The following TNFRSF10B variants were observed in gnomAD, a reference collection of about 807,000 sequenced individuals.
TNFRSF10B encodes tumor necrosis factor receptor superfamily member 10B.
Under a neutral mutation model 41.4 loss-of-function variants are expected in TNFRSF10B, and 35 were observed. The ratio of observed to expected loss-of-function variants is 0.85; its 90% confidence interval spans 0.65 to 1.12. TNFRSF10B has a LOEUF of 1.12. TNFRSF10B is among the 50% of genes most tolerant of loss of function. The pLI is 0.00. For missense variants in TNFRSF10B, 584 were observed against 552.7 expected (o/e 1.06, Z -0.57); for synonymous variants, 230 against 215.5 (o/e 1.07, Z -0.59).
rs1563301419 is a variant in TNFRSF10B, at chr8:23,020,560, CGGGT to C, written c.*2107_*2110del. 4.5e-6 allele frequency: 2 copies of C among 445,322 alleles called. No homozygotes were observed. Among genetic ancestry groups the C allele is most frequent in the Non-Finnish European group, 9.0e-6 (2 of 221,502 alleles). 27.6% of individuals were successfully genotyped at this position (445,322 alleles called of 1,614,324 possible). On this transcript the variant is annotated 3_prime_UTR_variant, in exon 9 of 9. Transcript: ENST00000276431. Reference sequence around the variant, plus strand: ...TACAAAAATTAGCCAGGCGTGGTGGCGGGTGCCTGCAATCCCAGCTACTCCGGAG... The same window carrying C: ...TACAAAAATTAGCCAGGCGTGGTGGCGCCTGCAATCCCAGCTACTCCGGAG...
intron 2 of TNFRSF10B, among the ~76,000 whole-genome samples, chr8:23,034,822 T>A (rs752083571): frequency 6.6e-5 from 10 of 152,282 alleles, no homozygotes; most frequent in Non-Finnish European, 5.9e-5. Flanking sequence ...TCCCATCACA[T>A]GCCCATTGAA....
chr8:23,028,495 T>G lies in TNFRSF10B; in HGVS notation c.584A>C (p.Glu195Ala), dbSNP rs765576431. The G allele has an allele frequency of 3.7e-6, 6 of 1,614,142 alleles. No individual in the cohort carries two copies. The highest frequency in any genetic ancestry group is 5.1e-6 in the Non-Finnish European group (6 of 1,179,996). The change falls in exon 5 of 9, where the codon GAG becomes GCG. Residue 195 changes from glutamate (E) to alanine (A), a missense_variant. Transcript: ENST00000276431. The part of the protein sequence containing the change: ...TKHSGEVPAV[E>A]ETVTSSPGTP... ...CCCTGGGCTGGAGGTCACCGTCTCC[T>G]CCACAGCTGGGACTTCCCCACTGTG...
chr8:23,032,773 A>G (rs1180494127), intron 2 of TNFRSF10B, among the ~76,000 whole-genome samples: 1 of 152,248 alleles, frequency 6.6e-6, no homozygotes, highest in Admixed American at 6.5e-5. Flanking sequence ...TTCATTGACA[A>G]TGACATAAAA....
Position 23,043,179 on chromosome 8 carries a change from T to A in TNFRSF10B, c.209A>T (p.Gln70Leu), listed in dbSNP as rs774835669. The change falls in exon 2 of 9, where the codon CAA becomes CTA. Residue 70 changes from glutamine (Q) to leucine (L), a missense_variant. Gln to Leu is a moderately radical substitution (Grantham distance 113). Transcript: ENST00000276431. ...DLAPQQRAAPQQKRSSPSEGL... is the reference protein window; with the variant it reads ...DLAPQQRAAPLQKRSSPSEGL... ...CTCTGAGGGGCTGGACCTCTTTTGT[T>A]GTGGGGCCGCTCTCTGCTGGGGAGC... 6.2e-7 allele frequency: 1 copy of A among 1,614,102 alleles called. No homozygotes were observed. The highest frequency in any genetic ancestry group is 8.5e-7 in the Non-Finnish European group (1 of 1,180,002).
In TNFRSF10B at chr8:23,068,866, G is replaced by T; in HGVS notation, c.29C>A (p.Ala10Asp). The change falls in exon 1 of 9, where the codon GCC becomes GAC. Residue 10 changes from alanine (A) to aspartate (D), a missense_variant. Transcript: ENST00000276431. ...GTGCCTTTTCCGGGCCCCCGAAGCG[G>T]CCGGGGCGTTCTGTCCCCGTTGTTC... MEQRGQNAPAASGARKRHGP... is the reference protein window; with the variant it reads MEQRGQNAPDASGARKRHGP... 1 of 1,613,490 alleles carries T rather than the reference G, an allele frequency of 6.2e-7. No individual in the cohort carries two copies. The highest frequency in any genetic ancestry group is 1.3e-5 in the African/African-American group (1 of 75,064).
At chr8:23,068,706 G>T in intron 1 of TNFRSF10B, 45 bp downstream of exon 1, 1 of 1,545,684 alleles carries the variant, frequency 6.5e-7, no homozygotes. Flanking sequence ...CTCTCCAGGC[G>T]CCAGGCACGC....
At chr8:23,027,063 C>G in intron 7 of TNFRSF10B, 70 bp downstream of exon 7, 7 of 1,609,940 alleles carry the variant, frequency 4.3e-6, no homozygotes, top group East Asian at 2.2e-5. Flanking sequence ...AGGCACTGCC[C>G]TCTCCCACTG....
At chr8:23,050,738 T>C (rs1812500815) in intron 1 of TNFRSF10B, among the ~76,000 whole-genome samples, 1 of 152,162 alleles carries the variant, frequency 6.6e-6, no homozygotes. Context: ...TTCTCCCTTT[T>C]TGAAAACCCA....
chr8:23,062,402 G>A lies in TNFRSF10B; in HGVS notation c.144+6349C>T, dbSNP rs114996597. 6.8e-3 allele frequency among the ~76,000 whole-genome samples: 1,029 copies of A among 152,078 alleles called. 16 individuals carry two copies. The highest frequency in any genetic ancestry group is 0.024 in the African/African-American group (994 of 41,490). ...GGCCAGGCTGCTTTTTATATTTTTTGTAGAGACAGGGTTTTGCCATATCCA... is the reference window on the plus strand; with the variant it reads ...GGCCAGGCTGCTTTTTATATTTTTTATAGAGACAGGGTTTTGCCATATCCA... On this transcript the variant is annotated intron_variant, in intron 1 of 8. Transcript: ENST00000276431.
chr8:23,034,194 T>G (rs1811965195), intron 2 of TNFRSF10B, among the ~76,000 whole-genome samples: 1 of 152,152 alleles, frequency 6.6e-6, no homozygotes, highest in African/African-American at 2.4e-5. Context: ...TGCATACCAT[T>G]GAAGTTATGT....
At position 23,034,134 on chromosome 8, in the gene TNFRSF10B, TAAC is replaced by T. The variant is rs1811963978; in HGVS notation, c.251-3265_251-3263del. On this transcript the variant is annotated intron_variant, in intron 2 of 8. Transcript: ENST00000276431. ...ACACAATGTACAAGGATGTGATCTATAACAACAAGATGGAGGAGGAAAGACGGA... is the reference window on the plus strand; with the variant it reads ...ACACAATGTACAAGGATGTGATCTATAACAAGATGGAGGAGGAAAGACGGA... 3.9e-5 allele frequency among the ~76,000 whole-genome samples: 6 copies of T among 152,278 alleles called. No individual in the cohort carries two copies. In the South Asian group the frequency reaches 8.3e-4, roughly 21 times the overall value.
rs753271907 is a variant in TNFRSF10B, at chr8:23,022,343, CAAAT to C, written c.*324_*327del. The C allele has an allele frequency of 4.8e-5, 23 of 478,194 alleles. No homozygotes were observed. The highest frequency in any genetic ancestry group is 6.6e-5 in the Non-Finnish European group (16 of 243,634). The allele number at this position is 478,194 out of a possible 1,614,324, so 29.6% of individuals were successfully genotyped here. A position where few individuals can be genotyped will look rare whatever the true frequency, so the allele number is the denominator to read the frequency against. Reference sequence around the variant, plus strand: ...TGTAGATGGATCTTACAATGTAGCCCAAATAAATAAATAAAGCATTTACATTAGG... The same window carrying C: ...TGTAGATGGATCTTACAATGTAGCCCAAATAAATAAAGCATTTACATTAGG... On this transcript the variant is annotated 3_prime_UTR_variant, in exon 9 of 9. Coordinates refer to ENST00000276431, the MANE Select transcript of TNFRSF10B (RefSeq NM_003842.5).
intron 1 of TNFRSF10B, among the ~76,000 whole-genome samples, chr8:23,050,744 A>T (rs1812500918): frequency 6.6e-6 from 1 of 151,892 alleles, no homozygotes; most frequent in Non-Finnish European, 1.5e-5. Context: ...CTTTTTGAAA[A>T]CCCAGGATTC....
intron 4 of TNFRSF10B, among the ~76,000 whole-genome samples, chr8:23,028,843 T>C (rs1040349557): frequency 6.6e-6 from 1 of 152,146 alleles, no homozygotes; most frequent in Non-Finnish European, 1.5e-5. Context: ...TCCAGGAGCC[T>C]TCTGTGCTGG....
chr8:23,022,982 GA>G lies in TNFRSF10B; in HGVS notation c.1011del (p.Leu338Ter). 6.2e-7 allele frequency: 1 copy of G among 1,610,822 alleles called. No individual in the cohort carries two copies. The highest frequency in any genetic ancestry group is 1.3e-5 in the African/African-American group (1 of 75,022). On this transcript the variant is annotated frameshift_variant and splice_region_variant, in exon 9 of 9. Coordinates refer to ENST00000276431, the MANE Select transcript of TNFRSF10B (RefSeq NM_003842.5). LOFTEE classifies it low-confidence loss of function (END_TRUNC). ...VPANEGDPTE[T>X]LRQCFDDFAD... ...GCAAAGTCATCGAAGCACTGTCTCA[GA>G]GCTGGTGGAGAAAGCCACAGAGACA...
chr8:23,036,581 A>G lies in TNFRSF10B; in HGVS notation c.251-5709T>C, dbSNP rs1462040508. ...TCCGCTAGGCCGGGTGTGGTGGCTC[A>G]CACCTGTAATCCCAGCACTTTGGGA... On this transcript the variant is annotated intron_variant, in intron 2 of 8. Transcript: ENST00000276431. Among the ~76,000 whole-genome samples, 3 of 152,228 alleles carry G rather than the reference A, an allele frequency of 2.0e-5. No individual in the cohort carries two copies. In the East Asian group the frequency reaches 5.8e-4, roughly 29 times the overall value.
chr8:23,029,596 G>A lies in TNFRSF10B; in HGVS notation c.476+14C>T, dbSNP rs775106330. ...TTCCATGGAGCTACTGGGAGCCCCC[G>A]GCTCCTGTCTCACCCTGTGCGGCAC... On this transcript the variant is annotated intron_variant, in intron 4 of 8. Transcript: ENST00000276431. The A allele has an allele frequency of 4.9e-5, 78 of 1,602,716 alleles. No individual in the cohort carries two copies. Among genetic ancestry groups the A allele is most frequent in the South Asian group, 1.1e-4 (10 of 89,696 alleles).
intron 1 of TNFRSF10B, among the ~76,000 whole-genome samples, chr8:23,067,705 A>G (rs1215192942): frequency 6.6e-6 from 1 of 152,208 alleles, no homozygotes; most frequent in Non-Finnish European, 1.5e-5. Context: ...AAACAGTGAA[A>G]ACATGAGGTG....
chr8:23,027,805 C>G (rs76970501), intron 5 of TNFRSF10B, 52 bp from the exon 6 acceptor site: 2 of 1,611,534 alleles, frequency 1.2e-6, no homozygotes, highest in South Asian at 1.1e-5. Flanking sequence ...ATGAAGCACC[C>G]CCCTCCCAGA....
Sources: allele counts gnomAD v4.1 joint callset (sites outside exome capture counted in the v4.1 genomes callset), GRCh38; gene constraint gnomAD v4.1.1; transcripts MANE v1.5; gene names NCBI Gene and HGNC (gene_info 2026-07-23, HGNC 2026-07-21).